The following UNC13B variants were observed in gnomAD, a reference collection of about 807,000 sequenced individuals.
The protein encoded by UNC13B is unc-13 homolog B.
A neutral mutation model predicts 211.0 loss-of-function variants in UNC13B; 144 were observed. The ratio of observed to expected loss-of-function variants is 0.68; its 90% CI spans 0.60 to 0.78. The LOEUF is 0.78. Among genes scored for constraint, UNC13B ranks in the 30% least tolerant of loss-of-function variants. The pLI is 0.00. For synonymous variants in UNC13B, 709 were observed against 725.8 expected (o/e 0.98, Z 0.37); for missense variants, 1,777 against 2,002.0 (o/e 0.89, Z 2.14).
chr9:35,398,113 G>A, intron 30 of UNC13B, 98 bp from the exon 31 acceptor site: 2 of 1,074,106 alleles, frequency 1.9e-6, no homozygotes, highest in Non-Finnish European at 2.7e-6. Flanking sequence ...TGTCATATGT[G>A]AAGTCCCTGT....
intron 7 of UNC13B, among the ~76,000 whole-genome samples, chr9:35,281,458 GA>G (rs1828490743): frequency 6.6e-6 from 1 of 151,646 alleles, no homozygotes; most frequent in Admixed American, 6.6e-5. Flanking sequence ...TGACCTCAGG[GA>G]GCTCAAGTCC....
intron 3 of UNC13B, among the ~76,000 whole-genome samples, chr9:35,234,038 T>C (rs1023748674): frequency 6.6e-6 from 1 of 152,228 alleles, no homozygotes; most frequent in Non-Finnish European, 1.5e-5. Flanking sequence ...CCTCTGGCTA[T>C]TTCTTCTGTC....
Position 35,397,155 on chromosome 9 carries a change from G to C in UNC13B, c.11533-12G>C. On this transcript the variant is annotated splice_polypyrimidine_tract_variant and intron_variant, in intron 28 of 39. Transcript: ENST00000635942. ...AGCTGTGGATGGTGACCCTGTGTGT[G>C]GTCTTCCTTAGTTCCAGCAGACATC... 6.2e-7 allele frequency: 1 copy of C among 1,613,342 alleles called. No homozygotes were observed. The highest frequency in any genetic ancestry group is 8.5e-7 in the Non-Finnish European group (1 of 1,179,424).
intron 3 of UNC13B, among the ~76,000 whole-genome samples, 184 bp downstream of exon 3, chr9:35,231,403 A>G (rs934802243): frequency 2.0e-5 from 3 of 152,244 alleles, no homozygotes; most frequent in Non-Finnish European, 4.4e-5. Flanking sequence ...TACATGAAGC[A>G]CAACTGCAGT....
chr9:35,267,337 T>C (rs1827633616), intron 7 of UNC13B, among the ~76,000 whole-genome samples: 1 of 152,224 alleles, frequency 6.6e-6, no homozygotes, highest in Non-Finnish European at 1.5e-5. Context: ...AGAAGTGTTC[T>C]CTGTGTCCGA....
intron 1 of UNC13B, among the ~76,000 whole-genome samples, chr9:35,202,966 G>C (rs1306474405): frequency 2.0e-5 from 3 of 151,822 alleles, no homozygotes; most frequent in African/African-American, 7.3e-5. Flanking sequence ...CTAATTTTTT[G>C]TATTTTTAGT....
intron 6 of UNC13B, among the ~76,000 whole-genome samples, chr9:35,244,331 G>A (rs752472281): frequency 6.6e-6 from 1 of 152,130 alleles, no homozygotes; most frequent in Non-Finnish European, 1.5e-5. Context: ...GATTGATGAC[G>A]AGTATACATC....
chr9:35,400,166 T>G lies in UNC13B; in HGVS notation c.12337-130T>G, dbSNP rs1836198014. On this transcript the variant is annotated intron_variant, in intron 36 of 39. Transcript: ENST00000635942. ...CAAATAATACTCATCCAAGAGCCTATGCTCTGGTTCTGTGGGTGTTCCTGA... is the reference window on the plus strand; with the variant it reads ...CAAATAATACTCATCCAAGAGCCTAGGCTCTGGTTCTGTGGGTGTTCCTGA... 1.1e-5 allele frequency: 14 copies of G among 1,303,058 alleles called. 1 individual carries two copies. Among genetic ancestry groups the G allele is most frequent in the Non-Finnish European group, 1.5e-5 (14 of 945,660 alleles). The allele number at this position is 1,303,058 out of a possible 1,614,324, so 80.7% of individuals were successfully genotyped here. A position where few individuals can be genotyped will look rare whatever the true frequency, so the allele number is the denominator to read the frequency against.
At chr9:35,350,379 A>G (rs959001259) in intron 11 of UNC13B, among the ~76,000 whole-genome samples, 2 of 152,196 alleles carry the variant, frequency 1.3e-5, no homozygotes, top group Admixed American at 1.3e-4. Flanking sequence ...TGGGCCAGGC[A>G]GAGGATTAGA....
chr9:35,225,210 G>T (rs1194522767), intron 1 of UNC13B, among the ~76,000 whole-genome samples: 1 of 152,110 alleles, frequency 6.6e-6, no homozygotes, highest in Non-Finnish European at 1.5e-5. Flanking sequence ...ACCCCCGCTG[G>T]AGTGTGGTGG....
intron 1 of UNC13B, among the ~76,000 whole-genome samples, chr9:35,220,674 T>C (rs1824520271): frequency 6.6e-6 from 1 of 152,220 alleles, no homozygotes; most frequent in African/African-American, 2.4e-5. Flanking sequence ...TTTGTTATGA[T>C]GAACACTTAA....
rs1225933036 is a variant in UNC13B at position 35,310,565 on chromosome 9, A to C, written c.9107A>C (p.His3036Pro). The change falls in exon 10 of 40, where the codon CAT becomes CCT. Residue 3036 changes from histidine to proline, a missense_variant. His to Pro is a moderately conservative substitution (Grantham distance 77, BLOSUM62 -2). Transcript: ENST00000635942. ...CAGTATCACGAACAAGATGACGACC[A>C]TCGGGAGACGGACTCGATTCATTCT... ...LDQYHEQDDD[H>P]RETDSIHSCH... 1 of 1,614,144 alleles carries C rather than the reference A, an allele frequency of 6.2e-7. No individual in the cohort carries two copies. Among genetic ancestry groups the C allele is most frequent in the East Asian group, 2.2e-5 (1 of 44,882 alleles).
chr9:35,181,071 C>T (rs1372251506), intron 1 of UNC13B, among the ~76,000 whole-genome samples: 1 of 152,064 alleles, frequency 6.6e-6, no homozygotes, highest in Non-Finnish European at 1.5e-5. Context: ...GCACTCCAGC[C>T]TGGGCAACAG....
At chr9:35,245,516 C>T (rs866979041) in intron 6 of UNC13B, among the ~76,000 whole-genome samples, 3 of 116,376 alleles carry the variant, frequency 2.6e-5, no homozygotes, top group Admixed American at 1.1e-4. Flanking sequence ...CACCCCACAA[C>T]AGGCCCCAGT....
chr9:35,389,979 T>C lies in UNC13B; in HGVS notation c.11222+6T>C, dbSNP rs750026545. 1.9e-6 allele frequency: 3 copies of C among 1,613,640 alleles called. No individual in the cohort carries two copies. The highest frequency in any genetic ancestry group is 2.2e-5 in the South Asian group (2 of 91,048). ...TACACACCTGTTCTGAACCAGTGAG[T>C]ATCACCCTCTTTGGCCCTGTCTGTT... On this transcript the variant is annotated splice_donor_region_variant and intron_variant, in intron 25 of 39. Transcript: ENST00000635942.
chr9:35,374,588 G>A (rs1262582388), intron 13 of UNC13B, among the ~76,000 whole-genome samples: 2 of 152,232 alleles, frequency 1.3e-5, no homozygotes, highest in African/African-American at 4.8e-5. Context: ...TTTGACTGAG[G>A]CTTCAATGCC....
intron 1 of UNC13B, among the ~76,000 whole-genome samples, chr9:35,183,283 T>TCCCCTCCCAGGCGGGGC (rs1822078219): frequency 1.2e-5 from 1 of 80,762 alleles, no homozygotes; most frequent in Non-Finnish European, 2.5e-5. Context: ...CCAGGCGGGG[T>TCCCCTCCCAGGCGGGGC]GGCCGGGCAG....
Position 35,396,483 on chromosome 9 carries a change from G to T in UNC13B, c.11316G>T (p.Glu3772Asp). The T allele has an allele frequency of 6.2e-7, 1 of 1,614,146 alleles. No individual in the cohort carries two copies. The highest frequency in any genetic ancestry group is 8.5e-7 in the Non-Finnish European group (1 of 1,180,030). ...CTTTCTCCCTACCACTAGAGCATGA[G>T]AAAGACCACCTGTGTAAAAGTGCTG... ...QDMKYALEEH[E>D]KDHLCKSADY... is the part of the protein sequence containing the mutation. Residue 3772 changes from glutamate (E) to aspartate (D), a missense_variant, in exon 27 of 40, where the codon GAG (glutamate) becomes GAT (aspartate). Glu to Asp is a conservative substitution (Grantham distance 45). Coordinates refer to ENST00000635942, the MANE Select transcript of UNC13B (RefSeq NM_001371189.2).
chr9:35,353,892 G>A, intron 11 of UNC13B: 5 of 904,636 alleles, frequency 5.5e-6, no homozygotes, highest in Non-Finnish European at 7.2e-6. Context: ...TGGTGTGGTG[G>A]CCAGTTTAAT....
Sources: gnomAD v4.1 joint callset for allele counts (sites outside exome capture counted in the v4.1 genomes callset) on GRCh38, gnomAD v4.1.1 for gene constraint, MANE v1.5 for transcripts, NCBI Gene and HGNC (gene_info 2026-07-23, HGNC 2026-07-21) for gene names.